OTUD7A: variants seen among roughly 807,000 people sequenced by gnomAD.
The protein encoded by OTUD7A is OTU domain-containing protein 7A.
OTUD7A carries 12 observed loss-of-function variants against 65.7 expected under a neutral mutation model. That is an observed-to-expected ratio of 0.18 (90% CI 0.12 to 0.30). The LOEUF is 0.30. OTUD7A is among the 10% of genes least tolerant of loss of function. OTUD7A has a pLI of 1.00. For synonymous variants in OTUD7A, 641 were observed against 586.3 expected (o/e 1.09, Z -1.35); for missense variants, 1,148 against 1,304.8 (o/e 0.88, Z 1.85).
intron 1 of OTUD7A, among the ~76,000 whole-genome samples, chr15:31,788,375 T>G (rs777312013): frequency 6.6e-5 from 10 of 152,202 alleles, no homozygotes; most frequent in African/African-American, 9.6e-5. Flanking sequence ...GCTTCATGAC[T>G]GGGCGGGAAC....
chr15:31,496,606 T>C (rs541839093), intron 10 of OTUD7A, among the ~76,000 whole-genome samples: 1 of 152,374 alleles, frequency 6.6e-6, no homozygotes, highest in South Asian at 2.1e-4. Flanking sequence ...TACATTTCTA[T>C]TTAAAAAGAG....
At chr15:31,527,116 C>T (rs2042025274) in intron 7 of OTUD7A, 65 bp downstream of exon 7, 25 of 1,598,328 alleles carry the variant, frequency 1.6e-5, no homozygotes, top group South Asian at 5.7e-5. Flanking sequence ...GCTGTGGACT[C>T]GACCACGGCC....
Position 31,808,092 on chromosome 15 carries a change from A to T in OTUD7A, c.-100+62415T>A, listed in dbSNP as rs187767432. 8.9e-4 allele frequency among the ~76,000 whole-genome samples: 81 copies of T among 91,060 alleles called. No individual in the cohort carries two copies. In the Admixed American group the frequency reaches 0.011, roughly 12 times the overall value. The allele number at this position is 91,060 out of a possible 152,430, so 59.7% of individuals were successfully genotyped here. A position where few individuals can be genotyped will look rare whatever the true frequency, so the allele number is the denominator to read the frequency against. On this transcript the variant is annotated intron_variant, in intron 1 of 12. Coordinates refer to ENST00000307050, the MANE Select transcript of OTUD7A (RefSeq NM_001382637.1). ...TTTTGTTATATAATTGAGCTAACAA[A>T]TGCCAAACACACACACACACACACA...
At chr15:31,633,016 G>A (rs905687516) in intron 3 of OTUD7A, among the ~76,000 whole-genome samples, 6 of 151,288 alleles carry the variant, frequency 4.0e-5, no homozygotes, top group South Asian at 2.1e-4. Context: ...TCCAGGTGCC[G>A]TCTGTCACCC....
chr15:31,486,202 C>T (rs1224335169), intron 12 of OTUD7A, among the ~76,000 whole-genome samples: 2 of 152,222 alleles, frequency 1.3e-5, no homozygotes, highest in Non-Finnish European at 2.9e-5. Flanking sequence ...ACTGCCATCA[C>T]TCCCCATGTG....
Position 31,790,685 on chromosome 15 carries a change from A to G in OTUD7A, c.-100+79822T>C, listed in dbSNP as rs1326755864. Among the ~76,000 whole-genome samples the G allele has an allele frequency of 2.0e-5, 3 of 152,170 alleles. No individual in the cohort carries two copies. In the South Asian group the frequency reaches 6.2e-4, roughly 31 times the overall value. ...TTAATGAGCTGCCTCCCACCAGCCA[A>G]TATCATGGAAACAACTCAGAAAATG... is the stretch of plus-strand genomic sequence containing the variant. On this transcript the variant is annotated intron_variant, in intron 1 of 12. Coordinates refer to ENST00000307050, the MANE Select transcript of OTUD7A (RefSeq NM_001382637.1).
In OTUD7A at chr15:31,484,365, GC is replaced by G. The variant is rs1566878110; in HGVS notation, c.1730del (p.Gly577AlafsTer49). On this transcript the variant is annotated frameshift_variant, in exon 13 of 13. Transcript: ENST00000307050. LOFTEE classifies it low-confidence loss of function (END_TRUNC). This position sits in a 1 kb window ranked among gnomAD's most constrained non-coding sequence, Gnocchi z 4.5. ...CCGACGCACCAGACTCCTCCTTGCT[GC>G]CCTTGCGCGACTTGGCCTTCTTCTC... Reference protein sequence around the residue: ...GKEKKAKSRKGSKEESGASAS... With the variant: ...GKEKKAKSRKXSKEESGASAS... 1 of 1,601,216 alleles carries G rather than the reference GC, an allele frequency of 6.2e-7. No individual in the cohort carries two copies. The highest frequency in any genetic ancestry group is 1.7e-5 in the Admixed American group (1 of 59,990).
intron 5 of OTUD7A, among the ~76,000 whole-genome samples, chr15:31,545,881 C>A (rs1888115552): frequency 6.6e-6 from 1 of 152,094 alleles, no homozygotes; most frequent in East Asian, 1.9e-4. Context: ...TACAATTGAC[C>A]CTCTGTTATC....
chr15:31,622,680 G>A (rs1890828937), intron 3 of OTUD7A, among the ~76,000 whole-genome samples: 2 of 152,100 alleles, frequency 1.3e-5, no homozygotes, highest in African/African-American at 2.4e-5. Context: ...CTTTTTTCAA[G>A]GTTTTTAACT....
intron 10 of OTUD7A, among the ~76,000 whole-genome samples, chr15:31,495,565 G>A (rs563224288): frequency 6.6e-6 from 1 of 152,150 alleles, no homozygotes; most frequent in African/African-American, 2.4e-5. Flanking sequence ...GTTCTTCAGG[G>A]TTCTGTGCTC....
chr15:31,484,552 G>A lies in OTUD7A; in HGVS notation c.1544C>T (p.Thr515Met), dbSNP rs777504137. 1.4e-5 allele frequency: 23 copies of A among 1,611,384 alleles called. No individual in the cohort carries two copies. The African/African-American group carries it at 2.9e-4, about 21-fold the overall frequency. ...KEKQRKEKDKTRADSVANKLG... is the reference protein window; with the variant it reads ...KEKQRKEKDKMRADSVANKLG... ...CTTGTTGGCCACGGAGTCGGCGCGC[G>A]TCTTGTCCTTCTCCTTGCGCTGCTT... Residue 515 changes from threonine to methionine, a missense_variant, in exon 13 of 13, where the codon ACG becomes ATG. Thr to Met is a moderately conservative substitution (Grantham distance 81). This residue lies in a region of OTUD7A where 842 missense variants were observed against 769.5 expected (regional missense o/e 1.09). Coordinates refer to ENST00000307050, the MANE Select transcript of OTUD7A (RefSeq NM_001382637.1). The surrounding 1 kb of genome is among the most constrained non-coding windows in gnomAD (Gnocchi z 4.5).
chr15:31,642,934 T>C (rs1306225207), intron 3 of OTUD7A, among the ~76,000 whole-genome samples: 1 of 152,016 alleles, frequency 6.6e-6, no homozygotes, highest in Non-Finnish European at 1.5e-5. Flanking sequence ...TTTAATTTGC[T>C]CTTTTTTTTT....
At chr15:31,612,430 C>A (rs1438979320) in intron 3 of OTUD7A, among the ~76,000 whole-genome samples, 1 of 152,082 alleles carries the variant, frequency 6.6e-6, no homozygotes, top group East Asian at 1.9e-4. Flanking sequence ...CCTAGAACTG[C>A]TAAAAGAATT....
chr15:31,767,865 G>A, intron 1 of OTUD7A: 1 of 1,180,580 alleles, frequency 8.5e-7, no homozygotes, highest in Non-Finnish European at 1.3e-6. Context: ...TGCCTTCGTG[G>A]TAGAGTTTTA....
At chr15:31,598,761 A>C (rs1454131436) in intron 3 of OTUD7A, among the ~76,000 whole-genome samples, 3 of 152,274 alleles carry the variant, frequency 2.0e-5, no homozygotes, top group East Asian at 3.9e-4. Context: ...CACTGGCTTG[A>C]AATTCTCGCT....
chr15:31,596,578 GT>G (rs1889909578), intron 3 of OTUD7A, among the ~76,000 whole-genome samples: 1 of 152,096 alleles, frequency 6.6e-6, no homozygotes, highest in Admixed American at 6.5e-5. Context: ...TCCCAAAGTG[GT>G]TTTATTATTT....
chr15:31,558,762 C>T (rs547199394), intron 5 of OTUD7A: 3 of 608,998 alleles, frequency 4.9e-6, no homozygotes, highest in South Asian at 4.2e-5. Context: ...TCAGCACCAC[C>T]TAGTTATCGG....
chr15:31,749,153 G>T (rs1391593441), intron 1 of OTUD7A, among the ~76,000 whole-genome samples: 2 of 141,028 alleles, frequency 1.4e-5, no homozygotes, highest in East Asian at 5.0e-4. Context: ...GGGGGAGGGG[G>T]AAAGGATAGC....
chr15:31,868,216 C>T (rs138230922), intron 1 of OTUD7A, among the ~76,000 whole-genome samples: 109 of 152,302 alleles, frequency 7.2e-4, no homozygotes, highest in African/African-American at 2.4e-3. Context: ...TCTAAACATA[C>T]AAGCGGGATG....
Sources: gnomAD v4.1 joint callset for allele counts (sites outside exome capture counted in the v4.1 genomes callset) on GRCh38, gnomAD v4.1.1 for gene constraint, gnomAD v4.1.1 regional missense constraint, Gnocchi (gnomAD v3.1) non-coding constraint, MANE v1.5 for transcripts, NCBI Gene and HGNC (gene_info 2026-07-23, HGNC 2026-07-21) for gene names.